Variants in CFAP61 observed in about 807,000 individuals in gnomAD.
The protein encoded by CFAP61 is cilia- and flagella-associated protein 61.
In CFAP61, 107 loss-of-function variants were observed where a neutral mutation model predicts 135.6. The ratio of observed to expected loss-of-function variants is 0.79; its 90% confidence interval spans 0.67 to 0.93. The LOEUF is 0.93. CFAP61 is among the 40% of genes least tolerant of loss of function. CFAP61 has a pLI of 0.00. For synonymous variants in CFAP61, 575 were observed against 578.5 expected (o/e 0.99, Z 0.09); for missense variants, 1,507 against 1,556.2 (o/e 0.97, Z 0.53).
At chr20:20,261,267 A>G (rs1297211640) in intron 20 of CFAP61, among the ~76,000 whole-genome samples, 1 of 152,222 alleles carries the variant, frequency 6.6e-6, no homozygotes, top group African/African-American at 2.4e-5. Flanking sequence ...TGTATAACCA[A>G]AAGTTTCCTG....
At position 20,065,824 on chromosome 20, in the gene CFAP61, G is replaced by A. The variant is rs138061770; in HGVS notation, c.144-5030G>A. Among the ~76,000 whole-genome samples, 1,461 of 152,204 alleles carry A rather than the reference G, an allele frequency of 9.6e-3. 23 individuals are homozygous for A. The highest frequency in any genetic ancestry group is 0.033 in the African/African-American group (1,368 of 41,528). ...AGTGCAAATAGCACAGTGGCGATCG[G>A]GGGGACAGAACTGTGCCCAGGCTGC... On this transcript the variant is annotated intron_variant, in intron 2 of 26. Coordinates refer to ENST00000245957, the MANE Select transcript of CFAP61 (RefSeq NM_015585.4).
chr20:20,203,966 G>A (rs955176577), intron 17 of CFAP61, among the ~76,000 whole-genome samples: 2 of 152,124 alleles, frequency 1.3e-5, no homozygotes, highest in Admixed American at 1.3e-4. Flanking sequence ...AAAAGGCACT[G>A]CTTCCTTTCC....
chr20:20,288,810 A>G lies in CFAP61; in HGVS notation c.2998A>G (p.Lys1000Glu). 1.2e-6 allele frequency: 2 copies of G among 1,614,240 alleles called. No individual in the cohort carries two copies. The highest frequency in any genetic ancestry group is 1.7e-6 in the Non-Finnish European group (2 of 1,180,044). The change falls in exon 23 of 27, where the codon AAA becomes GAA. Residue 1000 changes from lysine (K) to glutamate (E), a missense_variant. Transcript: ENST00000245957. The part of the protein sequence containing the change: ...NEWTHSNFSS[K>E]EIGFQLAAAM... ...GTGGACTCACAGCAACTTCAGTTCC[A>G]AAGAAATTGGCTTTCAGCTGGCAGC...
intron 15 of CFAP61, among the ~76,000 whole-genome samples, chr20:20,193,488 A>C (rs2056066144): frequency 1.3e-5 from 2 of 152,018 alleles, no homozygotes; most frequent in South Asian, 4.2e-4. Context: ...GAGTTAGTTA[A>C]TCTTTTAGAG....
chr20:20,344,183 C>T (rs1370119276), intron 26 of CFAP61, among the ~76,000 whole-genome samples: 1 of 152,236 alleles, frequency 6.6e-6, no homozygotes, highest in East Asian at 1.9e-4. Context: ...TGGCCTCTGC[C>T]AGACCCTCCC....
intron 17 of CFAP61, among the ~76,000 whole-genome samples, chr20:20,218,609 C>T (rs1236172142): frequency 6.6e-6 from 1 of 152,192 alleles, no homozygotes; most frequent in Non-Finnish European, 1.5e-5. Flanking sequence ...TGGTTTGTTA[C>T]ACAACAGTAG....
At chr20:20,157,739 G>A (rs2053053328) in intron 9 of CFAP61, among the ~76,000 whole-genome samples, 1 of 152,064 alleles carries the variant, frequency 6.6e-6, no homozygotes, top group African/African-American at 2.4e-5. Context: ...AACATTAAAA[G>A]CACAATACAT....
chr20:20,105,066 G>A (rs926669091), intron 8 of CFAP61, among the ~76,000 whole-genome samples: 2 of 152,078 alleles, frequency 1.3e-5, no homozygotes, highest in Non-Finnish European at 2.9e-5. Flanking sequence ...CTATGGTATC[G>A]TACTGCCTTC....
intron 8 of CFAP61, among the ~76,000 whole-genome samples, chr20:20,136,401 C>T (rs1418522501): frequency 6.6e-6 from 1 of 152,096 alleles, no homozygotes; most frequent in African/African-American, 2.4e-5. Context: ...TTTCTAGACC[C>T]TGTAAGCATG....
chr20:20,054,645 A>C (rs61691909), intron 1 of CFAP61, among the ~76,000 whole-genome samples: 12,174 of 152,256 alleles, frequency 0.08, 1,366 homozygotes, highest in East Asian at 0.6. Context: ...TTGTGTAGAC[A>C]ACATGTGGCT....
At chr20:20,228,101 C>T (rs2048871171) in intron 17 of CFAP61, 148 bp from the exon 18 acceptor site, 1 of 551,638 alleles carries the variant, frequency 1.8e-6, no homozygotes, top group Admixed American at 3.1e-5. Flanking sequence ...TCTTCCCATG[C>T]ATTTTATGGT....
At chr20:20,124,548 C>T (rs1345423456) in intron 8 of CFAP61, among the ~76,000 whole-genome samples, 1 of 151,778 alleles carries the variant, frequency 6.6e-6, no homozygotes, top group African/African-American at 2.4e-5. Context: ...CATTTATTGA[C>T]TTGCATATGA....
chr20:20,265,767 G>T, intron 21 of CFAP61: 1 of 341,846 alleles, frequency 2.9e-6, no homozygotes, highest in Non-Finnish European at 5.3e-6. Context: ...CTGTGTAGAG[G>T]CCCTTTTCAA....
chr20:20,261,453 G>A (rs1032100323), intron 20 of CFAP61, among the ~76,000 whole-genome samples: 2 of 152,164 alleles, frequency 1.3e-5, no homozygotes, highest in African/African-American at 4.8e-5. Context: ...TAGACCCTGA[G>A]TGCAGCAAGC....
At chr20:20,356,262 G>A (rs2059154438) in intron 26 of CFAP61, among the ~76,000 whole-genome samples, 1 of 142,926 alleles carries the variant, frequency 7.0e-6, no homozygotes. Flanking sequence ...TGCGAGTGGA[G>A]GTAGTCACAC....
intron 25 of CFAP61, among the ~76,000 whole-genome samples, chr20:20,337,488 G>GGATAGATGGGTGGGTGGATGGATGGATT: frequency 6.6e-6 from 1 of 150,652 alleles, no homozygotes; most frequent in African/African-American, 2.5e-5. Flanking sequence ...ATGGATGGAT[G>GGATAGATGGGTGGGTGGATGGATGGATT]GATAGATGGG....
intron 25 of CFAP61, among the ~76,000 whole-genome samples, chr20:20,334,744 T>G (rs1215849931): frequency 6.6e-6 from 1 of 152,198 alleles, no homozygotes; most frequent in Non-Finnish European, 1.5e-5. Context: ...GCTTTCAAAA[T>G]CATTAATCTT....
At chr20:20,152,631 A>G (rs2052547021) in intron 9 of CFAP61, among the ~76,000 whole-genome samples, 1 of 152,242 alleles carries the variant, frequency 6.6e-6, no homozygotes, top group East Asian at 1.9e-4. Flanking sequence ...GTGGGACATT[A>G]TAAAATGATT....
intron 26 of CFAP61, among the ~76,000 whole-genome samples, chr20:20,348,314 C>T (rs1298885770): frequency 6.6e-6 from 1 of 152,148 alleles, no homozygotes; most frequent in Non-Finnish European, 1.5e-5. Context: ...ACTAAACACC[C>T]AGCTGAGTGA....
Sources: allele counts gnomAD v4.1 joint callset (sites outside exome capture counted in the v4.1 genomes callset), GRCh38; gene constraint gnomAD v4.1.1; transcripts MANE v1.5; gene names NCBI Gene and HGNC (gene_info 2026-07-23, HGNC 2026-07-21).